The following MINDY3 variants were observed in gnomAD, a reference collection of about 807,000 sequenced individuals.
MINDY3 encodes MINDY lysine 48 deubiquitinase 3.
Under a neutral mutation model 69.2 loss-of-function variants are expected in MINDY3, and 38 were observed. That is an observed-to-expected ratio of 0.55 (90% CI 0.42 to 0.72). MINDY3 has a LOEUF of 0.72. Ranked by LOEUF, MINDY3 falls within the 30% of genes least tolerant of loss-of-function variation. The pLI is 0.00. For synonymous variants in MINDY3, 192 were observed against 180.1 expected, an observed-to-expected ratio of 1.07 and a Z score of -0.53; for missense variants, 522 against 519.0, an observed-to-expected ratio of 1.01 and a Z score of -0.06.
chr10:15,826,377 A>G (rs905474241), intron 8 of MINDY3, among the ~76,000 whole-genome samples: 1 of 152,226 alleles, frequency 6.6e-6, no homozygotes, highest in Non-Finnish European at 1.5e-5. Context: ...ATGGTTTCAA[A>G]AACTGGGGTA....
rs775389112 is a variant in MINDY3 at position 15,838,294 on chromosome 10, C to T, written c.410-15G>A. On this transcript the variant is annotated splice_polypyrimidine_tract_variant and intron_variant, in intron 4 of 14. Coordinates refer to ENST00000277632, the MANE Select transcript of MINDY3 (RefSeq NM_024948.4). Reference sequence around the variant, plus strand: ...AGCCAAGGCAGCTATACATAAAAGACACTTTTCAGCACTACACATGGCAAA... The same window carrying T: ...AGCCAAGGCAGCTATACATAAAAGATACTTTTCAGCACTACACATGGCAAA... 2 of 1,593,356 alleles carry T rather than the reference C, an allele frequency of 1.3e-6. No homozygotes were observed. The highest frequency in any genetic ancestry group is 1.1e-5 in the South Asian group (1 of 87,534).
chr10:15,845,695 A>AG (rs1263288031), intron 2 of MINDY3, among the ~76,000 whole-genome samples: 3 of 149,792 alleles, frequency 2.0e-5, no homozygotes, highest in Non-Finnish European at 3.0e-5. Context: ...TTTTTAGAGC[A>AG]GGGGTCTCAC....
At chr10:15,821,201 T>C (rs565554692) in intron 9 of MINDY3, among the ~76,000 whole-genome samples, 1 of 152,312 alleles carries the variant, frequency 6.6e-6, no homozygotes, top group South Asian at 2.1e-4. Flanking sequence ...TTTTTTTCAG[T>C]GTGAAATCAT....
rs74843946 is a variant in MINDY3 at position 15,779,079 on chromosome 10, A to G, written c.1251T>C (p.Asp417=). 1.9e-3 allele frequency: 3,048 copies of G among 1,613,592 alleles called. 50 individuals carry two copies. In the African/African-American group the frequency reaches 0.034, roughly 18 times the overall value. Residue 417 remains aspartate (D), a synonymous_variant, in exon 15 of 15, where the codon GAT becomes GAC. Coordinates refer to ENST00000277632, the MANE Select transcript of MINDY3 (RefSeq NM_024948.4). ...GCAGACAGCGTTTAATAGGAGTGTC[A>G]TCTGTCTGTAGCATGGGATCTTCAA... ...MGFEDPMLQT[D]DTPIKRCLQT...
intron 2 of MINDY3, among the ~76,000 whole-genome samples, chr10:15,846,927 G>A (rs1001718835): frequency 6.6e-6 from 1 of 152,030 alleles, no homozygotes; most frequent in African/African-American, 2.4e-5. Flanking sequence ...GTTTCACCAT[G>A]TTAGCCAGGA....
At chr10:15,853,917 A>G (rs556288900) in intron 1 of MINDY3, among the ~76,000 whole-genome samples, 2 of 152,232 alleles carry the variant, frequency 1.3e-5, no homozygotes, top group South Asian at 4.1e-4. Context: ...TGTGTCCACT[A>G]CTGTGACTCT....
chr10:15,843,310 A>G, intron 2 of MINDY3, 38 bp from the exon 3 acceptor site: 1 of 1,446,652 alleles, frequency 6.9e-7, no homozygotes, highest in Non-Finnish European at 9.7e-7. Context: ...GAAATGCATT[A>G]TAACCATACA....
intron 10 of MINDY3, among the ~76,000 whole-genome samples, chr10:15,797,488 C>T (rs1278710391): frequency 1.3e-5 from 2 of 152,010 alleles, no homozygotes; most frequent in Non-Finnish European, 2.9e-5. Context: ...CTTTCAATGC[C>T]TTTTTGATTT....
intron 1 of MINDY3, among the ~76,000 whole-genome samples, chr10:15,858,540 T>G (rs1056204877): frequency 3.9e-5 from 6 of 152,218 alleles, no homozygotes; most frequent in Admixed American, 2.0e-4. Flanking sequence ...CTAAATTATT[T>G]ACATGGCCTC....
chr10:15,836,935 A>C, intron 6 of MINDY3, among the ~76,000 whole-genome samples: 1 of 151,954 alleles, frequency 6.6e-6, no homozygotes, highest in Non-Finnish European at 1.5e-5. Flanking sequence ...GCTACACGGA[A>C]GGATCAAAGG....
chr10:15,779,480 T>C (rs1039598221), intron 14 of MINDY3, among the ~76,000 whole-genome samples: 2 of 152,174 alleles, frequency 1.3e-5, no homozygotes, highest in Admixed American at 1.3e-4. Flanking sequence ...CATATTTACA[T>C]ATAATTTATA....
chr10:15,803,652 G>T (rs1200533601), intron 10 of MINDY3, among the ~76,000 whole-genome samples: 1 of 151,922 alleles, frequency 6.6e-6, no homozygotes, highest in East Asian at 1.9e-4. Flanking sequence ...TAAACATTTG[G>T]CAGGCTTAAT....
chr10:15,796,207 C>T (rs754476975), intron 10 of MINDY3, 35 bp from the exon 11 acceptor site: 2 of 1,545,544 alleles, frequency 1.3e-6, no homozygotes, highest in Non-Finnish European at 1.8e-6. Flanking sequence ...CAACCAGCTA[C>T]AGTATTATGA....
chr10:15,822,616 C>T (rs1263329600), intron 8 of MINDY3, among the ~76,000 whole-genome samples: 1 of 152,068 alleles, frequency 6.6e-6, no homozygotes, highest in Admixed American at 6.6e-5. Flanking sequence ...GTTCTGGACT[C>T]GTGTGAAGAG....
chr10:15,793,010 A>T (rs1021123881), intron 11 of MINDY3, among the ~76,000 whole-genome samples: 3 of 152,166 alleles, frequency 2.0e-5, no homozygotes, highest in Non-Finnish European at 4.4e-5. Context: ...CCAACATCAC[A>T]CAGCTAGTGA....
intron 11 of MINDY3, among the ~76,000 whole-genome samples, chr10:15,795,806 T>G (rs1837776163): frequency 6.6e-6 from 1 of 152,046 alleles, no homozygotes; most frequent in Non-Finnish European, 1.5e-5. Flanking sequence ...AATGATTTAC[T>G]TTTCAAACAG....
At chr10:15,843,392 G>T (rs556068520) in intron 2 of MINDY3, 120 bp from the exon 3 acceptor site, 109 of 786,308 alleles carry the variant, frequency 1.4e-4, no homozygotes, top group Middle Eastern at 1.1e-3. Flanking sequence ...GACTAGTTCT[G>T]TAAAGATGTC....
At position 15,860,168 on chromosome 10, in the gene MINDY3, A is replaced by C. The variant is rs777169815; in HGVS notation, c.94+38T>G. The C allele has an allele frequency of 2.2e-5, 33 of 1,491,106 alleles. 1 individual carries two copies. Among genetic ancestry groups the C allele is most frequent in the South Asian group, 9.5e-5 (8 of 84,354 alleles). The allele number at this position is 1,491,106 out of a possible 1,614,324, so 92.4% of individuals were successfully genotyped here. ...CAGGCGGACTCTCGCAGGGCAAAAG[A>C]AGCAGCGGCTGCAAGTGTGAGAGCC... On this transcript the variant is annotated intron_variant, in intron 1 of 14. Coordinates refer to ENST00000277632, the MANE Select transcript of MINDY3 (RefSeq NM_024948.4).
chr10:15,847,630 C>T (rs566924277), intron 2 of MINDY3, among the ~76,000 whole-genome samples: 10 of 152,128 alleles, frequency 6.6e-5, no homozygotes, highest in South Asian at 2.1e-4. Context: ...AGTCAGGGAA[C>T]GCCTATTATT....
Sources: gnomAD v4.1 joint callset for allele counts (sites outside exome capture counted in the v4.1 genomes callset) on GRCh38, gnomAD v4.1.1 for gene constraint, MANE v1.5 for transcripts, NCBI Gene and HGNC (gene_info 2026-07-23, HGNC 2026-07-21) for gene names.